KLF12: variants seen among roughly 807,000 people sequenced by gnomAD.
KLF12 encodes KLF transcription factor 12.
A neutral mutation model predicts 37.8 loss-of-function variants in KLF12; 9 were observed. That is an observed-to-expected ratio of 0.24 (90% CI 0.14 to 0.42). KLF12 has a LOEUF of 0.42. Ranked by LOEUF, KLF12 falls within the 10% of genes least tolerant of loss-of-function variation. KLF12 has a pLI of 1.00. For synonymous variants in KLF12, 208 were observed against 202.1 expected, an observed-to-expected ratio of 1.03 and a Z score of -0.25; for missense variants, 411 against 516.0, an observed-to-expected ratio of 0.80 and a Z score of 1.97.
intron 1 of KLF12, among the ~76,000 whole-genome samples, chr13:74,009,364 G>C (rs758203602): frequency 6.6e-6 from 1 of 152,260 alleles, no homozygotes; most frequent in East Asian, 1.9e-4. Context: ...TAATCTTCAC[G>C]GTAACCTTGT....
intron 2 of KLF12, among the ~76,000 whole-genome samples, chr13:73,978,372 TATG>T (rs1332558886): frequency 4.6e-5 from 7 of 152,194 alleles, no homozygotes; most frequent in Non-Finnish European, 1.5e-5. Context: ...TTCCACATTA[TATG>T]ATATCAGGGA....
At chr13:74,095,035 T>C (rs1431532408) in intron 1 of KLF12, among the ~76,000 whole-genome samples, 3 of 152,226 alleles carry the variant, frequency 2.0e-5, no homozygotes, top group African/African-American at 4.8e-5. Flanking sequence ...ACTTGTTTTA[T>C]AGTTAATGTG....
At chr13:74,277,274 T>C in the KLF12 span, among the ~76,000 whole-genome samples, 2 of 152,204 alleles carry the variant, frequency 1.3e-5, no homozygotes, top group African/African-American at 4.8e-5. Context: ...ATATCTTTCT[T>C]GAATTTGTTG....
At chr13:74,213,248 A>T in the KLF12 span, among the ~76,000 whole-genome samples, 1 of 151,724 alleles carries the variant, frequency 6.6e-6, no homozygotes, top group Non-Finnish European at 1.5e-5. Flanking sequence ...CATGACATTG[A>T]CTTTTTTTAT....
intron 6 of KLF12, among the ~76,000 whole-genome samples, chr13:73,751,197 A>T (rs1878732559): frequency 6.6e-6 from 1 of 152,220 alleles, no homozygotes; most frequent in Admixed American, 6.5e-5. Context: ...GTGCTGTGAT[A>T]AACAAATGAG....
chr13:74,274,314 G>A, the KLF12 span, among the ~76,000 whole-genome samples: 358 of 152,154 alleles, frequency 2.4e-3, 3 homozygotes, highest in African/African-American at 7.9e-3. Context: ...CAGCTCATAC[G>A]TCTTCTTTCT....
At chr13:73,862,568 T>C (rs961613949) in intron 3 of KLF12, among the ~76,000 whole-genome samples, 3 of 152,148 alleles carry the variant, frequency 2.0e-5, no homozygotes, top group Non-Finnish European at 4.4e-5. Context: ...CTATAAAACA[T>C]TTGTCTCTTA....
At chr13:73,790,866 T>A (rs930289159) in intron 5 of KLF12, among the ~76,000 whole-genome samples, 2 of 152,120 alleles carry the variant, frequency 1.3e-5, no homozygotes, top group Admixed American at 1.3e-4. Flanking sequence ...AGTTCAGGAG[T>A]AAGGGCTCTC....
chr13:74,215,427 C>CTTTTT, the KLF12 span, among the ~76,000 whole-genome samples: 13 of 60,372 alleles, frequency 2.2e-4, no homozygotes, highest in East Asian at 4.9e-4. Context: ...CCTCTGGGTT[C>CTTTTT]TTTTTTTTTT....
intron 2 of KLF12, among the ~76,000 whole-genome samples, chr13:73,987,898 G>C (rs892626427): frequency 6.6e-6 from 1 of 151,844 alleles, no homozygotes; most frequent in South Asian, 2.1e-4. Context: ...GAAAGAGTGA[G>C]AGTGAGACAA....
chr13:73,709,777 T>C (rs1875221416), intron 7 of KLF12, among the ~76,000 whole-genome samples: 1 of 152,166 alleles, frequency 6.6e-6, no homozygotes, highest in Non-Finnish European at 1.5e-5. Context: ...CAGAGAAATG[T>C]GAGCTGGAAA....
At chr13:74,084,123 T>C (rs1165546205) in intron 1 of KLF12, among the ~76,000 whole-genome samples, 1 of 152,178 alleles carries the variant, frequency 6.6e-6, no homozygotes, top group Non-Finnish European at 1.5e-5. Flanking sequence ...TTAGACCAAA[T>C]TCACTTGGAG....
chr13:74,067,664 C>A (rs1244648581), intron 1 of KLF12, among the ~76,000 whole-genome samples: 2 of 151,596 alleles, frequency 1.3e-5, no homozygotes, highest in African/African-American at 2.4e-5. Flanking sequence ...TACTTGGTAG[C>A]AATCAACAGA....
chr13:74,164,131 T>G, the KLF12 span, among the ~76,000 whole-genome samples: 2 of 152,100 alleles, frequency 1.3e-5, no homozygotes, highest in Admixed American at 6.5e-5. Flanking sequence ...AACCTTTGGT[T>G]TGAAAGAACT....
intron 1 of KLF12, among the ~76,000 whole-genome samples, chr13:74,063,915 T>C (rs1250054555): frequency 6.6e-6 from 1 of 152,202 alleles, no homozygotes; most frequent in Non-Finnish European, 1.5e-5. Flanking sequence ...GCCCTTTGAT[T>C]CCAAAAGACA....
intron 4 of KLF12, among the ~76,000 whole-genome samples, chr13:73,844,221 C>T (rs546361636): frequency 7.9e-5 from 12 of 152,142 alleles, no homozygotes; most frequent in Admixed American, 4.6e-4. Context: ...TTGTTAATTT[C>T]GAATTCTTAA....
At chr13:74,261,989 C>T in the KLF12 span, among the ~76,000 whole-genome samples, 1 of 152,176 alleles carries the variant, frequency 6.6e-6, no homozygotes, top group East Asian at 1.9e-4. Context: ...CTGTCCCGAG[C>T]TGAGTGTGCT....
intron 5 of KLF12, chr13:73,800,133 CTA>C (rs1161073695): frequency 6.6e-6 from 1 of 151,990 alleles, no homozygotes; most frequent in African/African-American, 2.4e-5. Context: ...CTGAATATAA[CTA>C]TGTTTCACAG....
chr13:73,793,236 G>C (rs1215921357), intron 5 of KLF12, among the ~76,000 whole-genome samples: 1 of 152,210 alleles, frequency 6.6e-6, no homozygotes, highest in Non-Finnish European at 1.5e-5. Context: ...CACATCAGCA[G>C]AGATGGTCAG....
Sources: gnomAD v4.1 joint callset for allele counts (sites outside exome capture counted in the v4.1 genomes callset) on GRCh38, gnomAD v4.1.1 for gene constraint, MANE v1.5 for transcripts, NCBI Gene and HGNC (gene_info 2026-07-23, HGNC 2026-07-21) for gene names.